MYLK3: variants seen among roughly 807,000 people sequenced by gnomAD.
The protein encoded by MYLK3 is MLC kinase.
Under a neutral mutation model 76.3 loss-of-function variants are expected in MYLK3, and 55 were observed. That is an observed-to-expected ratio of 0.72 (90% CI 0.58 to 0.90). The LOEUF is 0.90. MYLK3 is among the 40% of genes least tolerant of loss of function. MYLK3 has a pLI of 0.00. For synonymous variants in MYLK3, 416 were observed against 425.4 expected (o/e 0.98, Z 0.27); for missense variants, 973 against 1,053.6 (o/e 0.92, Z 1.06).
intron 8 of MYLK3, among the ~76,000 whole-genome samples, chr16:46,724,241 A>G (rs1596755170): frequency 6.6e-6 from 1 of 152,182 alleles, no homozygotes; most frequent in African/African-American, 2.4e-5. Flanking sequence ...ATTTTCTCCC[A>G]TTCTGTGAGC....
Position 46,707,638 on chromosome 16 carries a change from G to T in MYLK3, c.*66C>A. 1.8e-6 allele frequency: 2 copies of T among 1,090,832 alleles called. No individual in the cohort carries two copies. Among genetic ancestry groups the T allele is most frequent in the Non-Finnish European group, 2.7e-6 (2 of 735,692 alleles). 67.6% of individuals were successfully genotyped at this position (1,090,832 alleles called of 1,614,324 possible). A position where few individuals can be genotyped will look rare whatever the true frequency, so the allele number is the denominator to read the frequency against. ...AAAGCCAAATTATTTAAATGTTTGA[G>T]TCATCTCTTCACTTCACCACTGGCC... On this transcript the variant is annotated 3_prime_UTR_variant, in exon 13 of 13. Coordinates refer to ENST00000394809, the MANE Select transcript of MYLK3 (RefSeq NM_182493.3).
At chr16:46,720,271 T>C (rs931601378) in intron 9 of MYLK3, among the ~76,000 whole-genome samples, 1 of 152,162 alleles carries the variant, frequency 6.6e-6, no homozygotes, top group South Asian at 2.1e-4. Context: ...TGGAGTGTAA[T>C]AGTGTGATTT....
chr16:46,731,070 A>G (rs1966851627), intron 4 of MYLK3, among the ~76,000 whole-genome samples: 1 of 152,192 alleles, frequency 6.6e-6, no homozygotes. Context: ...TTTTAAAGGG[A>G]CTGTAAAGTC....
Position 46,729,081 on chromosome 16 carries a change from A to C in MYLK3, c.1715T>G (p.Leu572Arg). 3.1e-6 allele frequency: 5 copies of C among 1,614,184 alleles called. No individual in the cohort carries two copies. Among genetic ancestry groups the C allele is most frequent in the Non-Finnish European group, 4.2e-6 (5 of 1,179,996 alleles). Reference sequence around the variant, plus strand: ...CTCGAAGGCGTCATAGAGCTGGATCAGGTTCACGTGGCTGAGCTGGTTCAT... The same window carrying C: ...CTCGAAGGCGTCATAGAGCTGGATCCGGTTCACGTGGCTGAGCTGGTTCAT... ...NIMNQLSHVN[L>R]IQLYDAFESK... Residue 572 changes from leucine (L) to arginine (R), a missense_variant, in exon 7 of 13, where the codon CTG becomes CGG. Physicochemically the swap from Leu to Arg is moderately radical, Grantham distance 102. Around this residue, in one of 2 missense-constraint regions of MYLK3, gnomAD observed 332 missense variants for 416.6 expected, o/e 0.80. Coordinates refer to ENST00000394809, the MANE Select transcript of MYLK3 (RefSeq NM_182493.3).
At chr16:46,727,468 C>G in intron 7 of MYLK3, 91 bp from the exon 8 acceptor site, 1 of 1,408,756 alleles carries the variant, frequency 7.1e-7, no homozygotes, top group Non-Finnish European at 9.5e-7. Flanking sequence ...GAGGCCAGCC[C>G]GGGTAGGCCC....
At chr16:46,712,924 C>G (rs1966699103) in intron 9 of MYLK3, 148 bp from the exon 10 acceptor site, 4 of 717,170 alleles carry the variant, frequency 5.6e-6, no homozygotes, top group Non-Finnish European at 7.9e-6. Context: ...CTGTGAATTA[C>G]TGGGGAATAA....
intron 1 of MYLK3, among the ~76,000 whole-genome samples, chr16:46,762,189 A>G (rs1045482040): frequency 6.6e-6 from 1 of 152,260 alleles, no homozygotes; most frequent in Non-Finnish European, 1.5e-5. Flanking sequence ...TTCCAGGTTT[A>G]CTAGGTAAAG....
Position 46,732,260 on chromosome 16 carries a change from A to G in MYLK3, c.1410T>C (p.Ala470=), listed in dbSNP as rs1319302714. ...CTGGGGGCATCCTCCTTACTGCTTC[A>G]GCTCTCACCGGAGCCCTGGCTGCAC... The part of the protein sequence containing the change: ...QDCAARAPVR[A]EAVRRMPPGA... Residue 470 remains alanine, a synonymous_variant, in exon 4 of 13, where the codon GCT becomes GCC. Transcript: ENST00000394809. 5 of 1,603,698 alleles carry G rather than the reference A, an allele frequency of 3.1e-6. No individual in the cohort carries two copies. The Admixed American group carries it at 8.3e-5, about 27-fold the overall frequency.
intron 8 of MYLK3, chr16:46,726,931 T>C (rs1424406712): frequency 8.9e-6 from 2 of 225,514 alleles, no homozygotes; most frequent in Non-Finnish European, 1.8e-5. Flanking sequence ...CTATAGTTGT[T>C]ACCAAAAGCC....
At chr16:46,755,384 G>A (rs1296476103) in intron 1 of MYLK3, among the ~76,000 whole-genome samples, 1 of 151,854 alleles carries the variant, frequency 6.6e-6, no homozygotes, top group African/African-American at 2.4e-5. Context: ...CTTGAACTTG[G>A]GAGGTGGAGG....
At chr16:46,739,231 C>A (rs1263188304) in intron 2 of MYLK3, among the ~76,000 whole-genome samples, 2 of 152,148 alleles carry the variant, frequency 1.3e-5, no homozygotes, top group African/African-American at 4.8e-5. Context: ...AAATGATACT[C>A]CTGCCTTGGC....
In MYLK3 at chr16:46,710,824, G is replaced by A. The variant is rs777362190; in HGVS notation, c.2115-35C>T. 1.9e-6 allele frequency: 3 copies of A among 1,613,044 alleles called. No homozygotes were observed. In the Admixed American group the frequency reaches 5.0e-5, roughly 27 times the overall value. On this transcript the variant is annotated intron_variant, in intron 10 of 12. Transcript: ENST00000394809. ...AGAGAAAGGACCATCAGTAGGTGGAGGCCACATTTGCCAACATGCATTGGC... is the reference window on the plus strand; with the variant it reads ...AGAGAAAGGACCATCAGTAGGTGGAAGCCACATTTGCCAACATGCATTGGC...
In MYLK3 at chr16:46,727,233, C is replaced by T; in HGVS notation, c.1914+3G>A. ...CCTACCGCATGCCCAGGGCAGAACC[C>T]ACCTTGAGGTCCAGGTGCAGGATGT... On this transcript the variant is annotated splice_donor_region_variant and intron_variant, in intron 8 of 12. Transcript: ENST00000394809. 1 of 1,613,394 alleles carries T rather than the reference C, an allele frequency of 6.2e-7. No homozygotes were observed. Among genetic ancestry groups the T allele is most frequent in the Non-Finnish European group, 8.5e-7 (1 of 1,179,428 alleles).
At position 46,747,868 on chromosome 16, in the gene MYLK3, G is replaced by A; in HGVS notation, c.326C>T (p.Ala109Val). Residue 109 changes from alanine (A) to valine (V), a missense_variant, in exon 1 of 13, where the codon GCC becomes GTC. Physicochemically the swap from Ala to Val is moderately conservative, Grantham distance 64 (BLOSUM62 0). This residue lies in a region of MYLK3 where 641 missense variants were observed against 637.0 expected (regional missense o/e 1.01). Transcript: ENST00000394809. The stretch of plus-strand genomic sequence containing the variant: ...CATCCTGAAGAGGGCCTCCAGCCTG[G>A]CACCGTGCTGGGCCGCATCCTGCTG... The part of the protein sequence containing the change: ...AMQQDAAQHG[A>V]RLEALFRMVA... 6.2e-7 allele frequency: 1 copy of A among 1,614,016 alleles called. No individual in the cohort carries two copies. The highest frequency in any genetic ancestry group is 8.5e-7 in the Non-Finnish European group (1 of 1,179,998).
chr16:46,716,483 GTA>G (rs1966740006), intron 9 of MYLK3, among the ~76,000 whole-genome samples: 1 of 133,256 alleles, frequency 7.5e-6, no homozygotes, highest in African/African-American at 2.8e-5. Flanking sequence ...ATGTGTGTGT[GTA>G]TGTGTATATA....
intron 9 of MYLK3, among the ~76,000 whole-genome samples, chr16:46,716,451 A>G (rs1238444370): frequency 1.3e-5 from 2 of 151,188 alleles, no homozygotes; most frequent in African/African-American, 4.9e-5. Context: ...ATGTATGTGT[A>G]TATATATGTG....
At chr16:46,748,367 C>A (rs1967068001), upstream of MYLK3, 1 of 1,203,848 alleles carries the variant, frequency 8.3e-7, no homozygotes, top group Non-Finnish European at 1.1e-6. This position sits in a 1 kb window ranked among gnomAD's most constrained non-coding sequence, Gnocchi z 4.3. Flanking sequence ...GGCCCAGGTT[C>A]TTCCTGTGCC....
At chr16:46,756,606 A>G (rs1051752626) in intron 1 of MYLK3, among the ~76,000 whole-genome samples, 10 of 152,094 alleles carry the variant, frequency 6.6e-5, no homozygotes, top group African/African-American at 2.4e-4. Flanking sequence ...TGTAGCAGTG[A>G]AAGGTCTTGT....
chr16:46,726,488 C>T (rs1966840547), intron 8 of MYLK3: 1 of 151,566 alleles, frequency 6.6e-6, no homozygotes, highest in African/African-American at 2.4e-5. Context: ...TCACTTAAGC[C>T]TGGGAGGTCC....
Sources: allele counts gnomAD v4.1 joint callset (sites outside exome capture counted in the v4.1 genomes callset), GRCh38; gene constraint gnomAD v4.1.1; regional missense constraint gnomAD v4.1.1; non-coding constraint Gnocchi (gnomAD v3.1); transcripts MANE v1.5; gene names NCBI Gene and HGNC (gene_info 2026-07-23, HGNC 2026-07-21).